Variants in ATP4B observed in about 807,000 individuals in gnomAD.
ATP4B encodes ATPase H+/K+ transporting subunit beta.
A neutral mutation model predicts 35.3 loss-of-function variants in ATP4B; 27 were observed. The ratio of observed to expected loss-of-function variants is 0.76; its 90% CI spans 0.56 to 1.05. ATP4B has a LOEUF of 1.05. ATP4B is among the 50% of genes least tolerant of loss of function. ATP4B has a pLI of 0.00. For synonymous variants in ATP4B, 162 were observed against 156.0 expected (o/e 1.04, Z -0.29); for missense variants, 375 against 384.8 (o/e 0.97, Z 0.21).
chr13:113,656,046 C>T (rs569738634), intron 1 of ATP4B, among the ~76,000 whole-genome samples: 21 of 152,356 alleles, frequency 1.4e-4, no homozygotes, highest in African/African-American at 3.6e-4. Context: ...CCCCGCCGGG[C>T]GTCCCTGGTG....
At chr13:113,653,673 G>C (rs190216434) in intron 2 of ATP4B, among the ~76,000 whole-genome samples, 53 of 149,252 alleles carry the variant, frequency 3.6e-4, no homozygotes, top group Non-Finnish European at 6.0e-4. Context: ...GGTGGGGGGT[G>C]GGGGGTGGCT....
rs1368004605 is a variant in ATP4B, at chr13:113,653,038, G to A, written c.390C>T (p.Asn130=). ...YSPAAQEDSI[N]CTSEQYFFQE... ...GGAAGAAGTACTGCTCGGAGGTGCA[G>A]TTGATGCTGTCCTCCTGGGCTGCTG... Residue 130 remains asparagine, a synonymous_variant, in exon 4 of 7, where the codon AAC becomes AAT. Coordinates refer to ENST00000335288, the MANE Select transcript of ATP4B (RefSeq NM_000705.4). 1 of 1,613,376 alleles carries A rather than the reference G, an allele frequency of 6.2e-7. No homozygotes were observed. Among genetic ancestry groups the A allele is most frequent in the Non-Finnish European group, 8.5e-7 (1 of 1,179,428 alleles).
chr13:113,649,197 T>G lies in ATP4B; in HGVS notation c.*177A>C. ...GAATTCAACAAGGAAGAACTGATAC[T>G]CGCGAGCAGGTCCTTCAGATGTGGG... On this transcript the variant is annotated 3_prime_UTR_variant, in exon 7 of 7. Coordinates refer to ENST00000335288, the MANE Select transcript of ATP4B (RefSeq NM_000705.4). The surrounding 1 kb of genome is among the most constrained non-coding windows in gnomAD (Gnocchi z 4.7). 1.7e-6 allele frequency: 1 copy of G among 592,076 alleles called. No individual in the cohort carries two copies. The highest frequency in any genetic ancestry group is 3.7e-5 in the Admixed American group (1 of 27,334). The allele number at this position is 592,076 out of a possible 1,614,324, so 36.7% of individuals were successfully genotyped here. A position where few individuals can be genotyped will look rare whatever the true frequency, so the allele number is the denominator to read the frequency against.
intron 5 of ATP4B, among the ~76,000 whole-genome samples, chr13:113,651,466 A>T (rs1476775500): frequency 6.6e-6 from 1 of 152,228 alleles, no homozygotes; most frequent in East Asian, 1.9e-4. Context: ...AAACAATAAG[A>T]AAAAGCCCCA....
chr13:113,658,018 G>GA lies in ATP4B; in HGVS notation c.112+14_112+15insT. ...CCCCCTCCATGCACCCAGCCGGCCC[G>GA]CCCCCCGCACGTACCCCACCGGGAC... On this transcript the variant is annotated intron_variant, in intron 1 of 6. Transcript: ENST00000335288. 6.3e-7 allele frequency: 1 copy of GA among 1,582,934 alleles called. No homozygotes were observed. The highest frequency in any genetic ancestry group is 8.6e-7 in the Non-Finnish European group (1 of 1,166,612).
intron 1 of ATP4B, among the ~76,000 whole-genome samples, chr13:113,656,200 A>G (rs2049753184): frequency 6.6e-6 from 1 of 152,134 alleles, no homozygotes; most frequent in Admixed American, 6.5e-5. Flanking sequence ...CTGGCCCTGC[A>G]GGTCCTGCCT....
At chr13:113,651,249 T>C (rs1258777985) in intron 5 of ATP4B, among the ~76,000 whole-genome samples, 2 of 152,230 alleles carry the variant, frequency 1.3e-5, no homozygotes, top group Non-Finnish European at 2.9e-5. Context: ...AAAAACAACC[T>C]GGAATTAGCC....
Position 113,650,361 on chromosome 13 carries a change from G to T in ATP4B, c.714+45C>A. 4 of 1,550,720 alleles carry T rather than the reference G, an allele frequency of 2.6e-6. No homozygotes were observed. The South Asian group carries it at 4.5e-5, about 17-fold the overall frequency. On this transcript the variant is annotated intron_variant, in intron 6 of 6. Transcript: ENST00000335288. The surrounding 1 kb of genome is among the most constrained non-coding windows in gnomAD (Gnocchi z 5.0). ...GCTTTCCTTTCGCTAAGTGTGAGAGGACTCAGCAGCTGTGGTGAGGGAAGC... is the reference window on the plus strand; with the variant it reads ...GCTTTCCTTTCGCTAAGTGTGAGAGTACTCAGCAGCTGTGGTGAGGGAAGC...
rs1331523937 is a variant in ATP4B, at chr13:113,649,201, G to A, written c.*173C>T. On this transcript the variant is annotated 3_prime_UTR_variant, in exon 7 of 7. Transcript: ENST00000335288. This position sits in a 1 kb window ranked among gnomAD's most constrained non-coding sequence, Gnocchi z 4.7. ...TCAACAAGGAAGAACTGATACTCGCGAGCAGGTCCTTCAGATGTGGGCGCT... is the reference window on the plus strand; with the variant it reads ...TCAACAAGGAAGAACTGATACTCGCAAGCAGGTCCTTCAGATGTGGGCGCT... 5.0e-6 allele frequency: 3 copies of A among 599,976 alleles called. No homozygotes were observed. Among genetic ancestry groups the A allele is most frequent in the Non-Finnish European group, 8.2e-6 (3 of 365,944 alleles). The allele number at this position is 599,976 out of a possible 1,614,324, so 37.2% of individuals were successfully genotyped here.
intron 1 of ATP4B, among the ~76,000 whole-genome samples, chr13:113,656,193 G>GC (rs929072479): frequency 2.1e-4 from 32 of 152,314 alleles, no homozygotes; most frequent in African/African-American, 7.7e-4. Context: ...CCTGGTGCTG[G>GC]CCCTGCAGGT....
chr13:113,656,606 C>T (rs371543766), intron 1 of ATP4B, among the ~76,000 whole-genome samples: 3 of 152,210 alleles, frequency 2.0e-5, no homozygotes, highest in East Asian at 1.9e-4. Context: ...CTCCTGGGGC[C>T]GGCCGGGTGC....
Position 113,649,492 on chromosome 13 carries a change from A to T in ATP4B, c.758T>A (p.Ile253Asn), listed in dbSNP as rs1429337570. 2.6e-6 allele frequency: 4 copies of T among 1,551,052 alleles called. No individual in the cohort carries two copies. The African/African-American group carries it at 5.5e-5, about 21-fold the overall frequency. ...NPLVAAKLLN[I>N]PRNAEVAIVC... Reference sequence around the variant, plus strand: ...GATGGCGACCTCAGCGTTCCTGGGGATGTTGAGGAGCTTCGCTGCCACCAG... The same window carrying T: ...GATGGCGACCTCAGCGTTCCTGGGGTTGTTGAGGAGCTTCGCTGCCACCAG... Residue 253 changes from isoleucine (I) to asparagine (N), a missense_variant, in exon 7 of 7, where the codon ATC becomes AAC. Physicochemically the swap from Ile to Asn is moderately radical, Grantham distance 149. Coordinates refer to ENST00000335288, the MANE Select transcript of ATP4B (RefSeq NM_000705.4). The surrounding 1 kb of genome is among the most constrained non-coding windows in gnomAD (Gnocchi z 4.7).
chr13:113,653,084 C>T lies in ATP4B; in HGVS notation c.356-12G>A, dbSNP rs368546871. ...TGCTGGAGAGTAGCCTGCAGACGGA[C>T]GCACCTGCCAGCCCTGTCCTGCCCT... On this transcript the variant is annotated splice_polypyrimidine_tract_variant and intron_variant, in intron 3 of 6. Coordinates refer to ENST00000335288, the MANE Select transcript of ATP4B (RefSeq NM_000705.4). 128 of 1,602,746 alleles carry T rather than the reference C, an allele frequency of 8.0e-5. No homozygotes were observed. The East Asian group carries it at 1.1e-3, about 13-fold the overall frequency.
In ATP4B at chr13:113,654,852, G is replaced by C; in HGVS notation, c.203C>G (p.Pro68Arg). The part of the protein sequence containing the change: ...CLYVLMQTVD[P>R]YTPDYQDQLR... ...CTGGTCTTGGTAGTCCGGTGTGTAC[G>C]GGTCCACTGTCTGCATCAGCACATA... is the stretch of plus-strand genomic sequence containing the variant. The change falls in exon 2 of 7, where the codon CCG becomes CGG. Residue 68 changes from proline (P) to arginine (R), a missense_variant. Pro to Arg is a moderately radical substitution (Grantham distance 103, BLOSUM62 -2). Transcript: ENST00000335288. 6.2e-7 allele frequency: 1 copy of C among 1,614,106 alleles called. No homozygotes were observed. Among genetic ancestry groups the C allele is most frequent in the Non-Finnish European group, 8.5e-7 (1 of 1,180,036 alleles).
chr13:113,650,615 C>CA lies in ATP4B; in HGVS notation c.613-109dup. On this transcript the variant is annotated intron_variant, in intron 5 of 6. Transcript: ENST00000335288. The surrounding 1 kb of genome is among the most constrained non-coding windows in gnomAD (Gnocchi z 5.0). ...CACACACGCGCTGTGTAGGTGCTTG[C>CA]ATAAACACTTTATTGCATACTTAGC... 8.0e-6 allele frequency: 6 copies of CA among 748,824 alleles called. No individual in the cohort carries two copies. The highest frequency in any genetic ancestry group is 1.3e-5 in the Non-Finnish European group (6 of 456,820). The allele number at this position is 748,824 out of a possible 1,614,324, so 46.4% of individuals were successfully genotyped here.
chr13:113,653,376 G>A lies in ATP4B; in HGVS notation c.300C>T (p.Val100=). ...GEKGLEIVYN[V]SDNRTWADLT... ...GGTCTGCCCAGGTTCTGTTATCAGA[G>A]ACGTTGTAGACAATTTCCAGGCCTT... Residue 100 remains valine, a synonymous_variant, in exon 3 of 7, where the codon GTC becomes GTT. Transcript: ENST00000335288. The A allele has an allele frequency of 9.3e-6, 15 of 1,614,240 alleles. No homozygotes were observed. Among genetic ancestry groups the A allele is most frequent in the Non-Finnish European group, 1.1e-5 (13 of 1,180,044 alleles).
chr13:113,652,700 G>T, intron 4 of ATP4B, 173 bp downstream of exon 4: 1 of 741,630 alleles, frequency 1.3e-6, no homozygotes, highest in Non-Finnish European at 2.4e-6. Flanking sequence ...TTGTATCTAA[G>T]AACCACACGG....
At chr13:113,651,826 C>G (rs1045202815) in intron 4 of ATP4B, 99 bp from the exon 5 acceptor site, 15 of 1,421,118 alleles carry the variant, frequency 1.1e-5, no homozygotes, top group South Asian at 2.7e-5. Flanking sequence ...CGGCCCCAGC[C>G]TGGGCTTTCT....
At position 113,649,457 on chromosome 13, in the gene ATP4B, C is replaced by G; in HGVS notation, c.793G>C (p.Val265Leu). ...TTGAAGGTCACGTGCTCCGCCATGA[C>G]CTTGCACACGATGGCGACCTCAGCG... ...RNAEVAIVCK[V>L]MAEHVTFNNP... Residue 265 changes from valine to leucine, a missense_variant, in exon 7 of 7, where the codon GTC (valine) becomes CTC (leucine). Physicochemically the swap from Val to Leu is conservative, Grantham distance 32. Transcript: ENST00000335288. This position sits in a 1 kb window ranked among gnomAD's most constrained non-coding sequence, Gnocchi z 4.7. The G allele has an allele frequency of 1.3e-6, 2 of 1,569,182 alleles. No individual in the cohort carries two copies. Among genetic ancestry groups the G allele is most frequent in the Non-Finnish European group, 1.7e-6 (2 of 1,155,084 alleles).
Sources: allele counts gnomAD v4.1 joint callset (sites outside exome capture counted in the v4.1 genomes callset), GRCh38; gene constraint gnomAD v4.1.1; non-coding constraint Gnocchi (gnomAD v3.1); transcripts MANE v1.5; gene names NCBI Gene and HGNC (gene_info 2026-07-23, HGNC 2026-07-21).